Variants in IFT172 observed in about 807,000 individuals in gnomAD.
The protein encoded by IFT172 is intraflagellar transport protein 172 homolog.
Under a neutral mutation model 248.9 loss-of-function variants are expected in IFT172, and 164 were observed. The observed-to-expected ratio is 0.66, with a 90% CI of 0.58 to 0.75. IFT172 has a LOEUF of 0.75. IFT172 is among the 30% of genes least tolerant of loss of function. The probability of loss-of-function intolerance (pLI) is 0.00; values close to 1 mark genes in which losing one functional copy is unlikely to be tolerated. For synonymous variants in IFT172, 729 were observed against 791.6 expected, an observed-to-expected ratio of 0.92 and a Z score of 1.33; for missense variants, 1,950 against 2,192.4, an observed-to-expected ratio of 0.89 and a Z score of 2.21.
At position 27,445,126 on chromosome 2, in the gene IFT172, A is replaced by G; in HGVS notation, c.5069-21T>C. On this transcript the variant is annotated intron_variant, in intron 46 of 47. Transcript: ENST00000260570. The surrounding 1 kb of genome is among the most constrained non-coding windows in gnomAD (Gnocchi z 4.4). ...GTATCCTGTGGAGGAAGAAAAAATG[A>G]TGAACTGGGGTTTGAGAGAGATTGA... is the stretch of plus-strand genomic sequence containing the variant. 6.2e-7 allele frequency: 1 copy of G among 1,613,612 alleles called. No homozygotes were observed. The highest frequency in any genetic ancestry group is 1.7e-5 in the Admixed American group (1 of 59,948).
chr2:27,445,182 T>G lies in IFT172; in HGVS notation c.5069-77A>C. The G allele has an allele frequency of 3.1e-6, 5 of 1,596,662 alleles. No homozygotes were observed. Among genetic ancestry groups the G allele is most frequent in the Non-Finnish European group, 4.3e-6 (5 of 1,169,838 alleles). The stretch of plus-strand genomic sequence containing the variant: ...GAAAAATGAGGAGCAGCCTGGGGGG[T>G]AGAAAGCACAGTCCTGTCTTTTGTA... On this transcript the variant is annotated intron_variant, in intron 46 of 47. Transcript: ENST00000260570. The surrounding 1 kb of genome is among the most constrained non-coding windows in gnomAD (Gnocchi z 4.4).
rs1668327086 is a variant in IFT172 at position 27,481,134 on chromosome 2, C to A, written c.697G>T (p.Asp233Tyr). Residue 233 changes from aspartate to tyrosine, a missense_variant, in exon 8 of 48, where the codon GAT (aspartate) becomes TAT (tyrosine). Transcript: ENST00000260570. ...CGCTCCTGAGGGTCACGGCTATAAT[C>A]AAAAGTTTGTAGCATGTGACCTTCT... Reference protein sequence around the residue: ...GKEGHMLQTFDYSRDPQEREF... With the variant: ...GKEGHMLQTFYYSRDPQEREF... 2 of 1,613,964 alleles carry A rather than the reference C, an allele frequency of 1.2e-6. No individual in the cohort carries two copies. The highest frequency in any genetic ancestry group is 1.7e-6 in the Non-Finnish European group (2 of 1,180,016).
rs1247008409 is a variant in IFT172 at position 27,456,594 on chromosome 2, C to T, written c.3288G>A (p.Lys1096=). 3.1e-6 allele frequency: 5 copies of T among 1,614,212 alleles called. No homozygotes were observed. Among genetic ancestry groups the T allele is most frequent in the Non-Finnish European group, 3.4e-6 (4 of 1,180,036 alleles). Residue 1096 remains lysine (K), a synonymous_variant, in exon 30 of 48, where the codon AAG becomes AAA. Transcript: ENST00000260570. ...AHKHVAYLWA[K]SLGGEAAVRL... ...TAACTGCAGCCTCTCCTCCCAGGCT[C>T]TTTGCCCACAGATAGGCCACGTGTT... is the stretch of plus-strand genomic sequence containing the variant.
Position 27,489,737 on chromosome 2 carries a change from A to AGGCACTGACGCTTATGCGACC in IFT172, c.-85_-84insGGTCGCATAAGCGTCAGTGCC. On this transcript the variant is annotated 5_prime_UTR_variant, in exon 1 of 48. Transcript: ENST00000260570. The stretch of plus-strand genomic sequence containing the variant: ...CAACCCGCCACGCAGCCGCAGCGAC[A>AGGCACTGACGCTTATGCGACC]GGCACTGACGCTTATGCGACCGGAG... The AGGCACTGACGCTTATGCGACC allele has an allele frequency of 9.3e-7, 1 of 1,074,100 alleles. No individual in the cohort carries two copies. Among genetic ancestry groups the AGGCACTGACGCTTATGCGACC allele is most frequent in the Non-Finnish European group, 1.4e-6 (1 of 707,424 alleles). The allele number at this position is 1,074,100 out of a possible 1,614,324, so 66.5% of individuals were successfully genotyped here.
intron 14 of IFT172, among the ~76,000 whole-genome samples, chr2:27,475,874 C>T (rs1273396113): frequency 1.2e-4 from 18 of 151,676 alleles, no homozygotes; most frequent in Admixed American, 3.9e-4. Context: ...TCAAGCAATC[C>T]GCCCGCCTCA....
At chr2:27,458,929 G>A in intron 25 of IFT172, 61 bp from the exon 26 acceptor site, 2 of 1,578,776 alleles carry the variant, frequency 1.3e-6, no homozygotes, top group Non-Finnish European at 1.7e-6. Flanking sequence ...CAGCTTGAAT[G>A]AGGAAAGAAC....
chr2:27,462,633 T>C lies in IFT172; in HGVS notation c.2115+68A>G, dbSNP rs542178199. On this transcript the variant is annotated intron_variant, in intron 20 of 47. Coordinates refer to ENST00000260570, the MANE Select transcript of IFT172 (RefSeq NM_015662.3). ...CACCAGCACGCTTTCCTCCCTTGAG[T>C]TTGTACCCCCTTTTCTCTCTTTTTC... The C allele has an allele frequency of 3.7e-4, 522 of 1,413,154 alleles. 1 individual carries two copies. The highest frequency in any genetic ancestry group is 1.8e-4 in the East Asian group (8 of 43,718). The allele number at this position is 1,413,154 out of a possible 1,614,324, so 87.5% of individuals were successfully genotyped here.
At chr2:27,469,050 A>C (rs1459182980) in intron 16 of IFT172, among the ~76,000 whole-genome samples, 1 of 152,172 alleles carries the variant, frequency 6.6e-6, no homozygotes, top group Non-Finnish European at 1.5e-5. Context: ...CTAGATAAAA[A>C]CATGTTCAGA....
intron 16 of IFT172, among the ~76,000 whole-genome samples, chr2:27,468,903 T>G (rs1046937329): frequency 1.7e-4 from 26 of 149,332 alleles, no homozygotes; most frequent in Admixed American, 1.2e-3. Flanking sequence ...ACAGATCACC[T>G]GTACAGAAAT....
In IFT172 at chr2:27,454,572, C is replaced by T. The variant is rs1465461618; in HGVS notation, c.3460G>A (p.Asp1154Asn). ...GGTCCAAATCACACCCATACCTCAT[C>T]CTCCAGGAACATAGCATATTTGAGA... ...VHLKYAMFLE[D>N]EGKFEEAEAE... The change falls in exon 31 of 48, where the codon GAT (aspartate) becomes AAT (asparagine). Residue 1154 changes from aspartate (D) to asparagine (N), a missense_variant. Transcript: ENST00000260570. The surrounding 1 kb of genome is among the most constrained non-coding windows in gnomAD (Gnocchi z 4.2). The T allele has an allele frequency of 6.2e-7, 1 of 1,614,054 alleles. No homozygotes were observed. The highest frequency in any genetic ancestry group is 1.1e-5 in the South Asian group (1 of 91,076).
At chr2:27,461,545 G>A (rs193294867) in intron 21 of IFT172, 28 bp from the exon 22 acceptor site, 11 of 1,609,540 alleles carry the variant, frequency 6.8e-6, no homozygotes, top group Middle Eastern at 3.3e-4. Context: ...ACAACTAGGA[G>A]TCACATCCCC....
In IFT172 at chr2:27,454,495, C is replaced by G; in HGVS notation, c.3465+72G>C. Reference sequence around the variant, plus strand: ...AGGCAGGCATGAGACTGGGGGTCTGCACACCCAGCAGCAGTGCACTAGGGG... The same window carrying G: ...AGGCAGGCATGAGACTGGGGGTCTGGACACCCAGCAGCAGTGCACTAGGGG... On this transcript the variant is annotated intron_variant, in intron 31 of 47. Coordinates refer to ENST00000260570, the MANE Select transcript of IFT172 (RefSeq NM_015662.3). This position sits in a 1 kb window ranked among gnomAD's most constrained non-coding sequence, Gnocchi z 4.2. 1 of 1,607,472 alleles carries G rather than the reference C, an allele frequency of 6.2e-7. No individual in the cohort carries two copies.
intron 25 of IFT172, 67 bp downstream of exon 25, chr2:27,459,311 C>A: frequency 6.4e-7 from 1 of 1,570,392 alleles, no homozygotes; most frequent in South Asian, 1.2e-5. Context: ...CCACTTCCTG[C>A]TTTGGGTTCT....
chr2:27,453,537 C>T, intron 34 of IFT172, 24 bp from the exon 35 acceptor site: 4 of 1,612,496 alleles, frequency 2.5e-6, no homozygotes, highest in Non-Finnish European at 3.4e-6. Flanking sequence ...AGCGCTGGGA[C>T]TTGGCATGGT....
At chr2:27,448,611 C>T (rs1665383113) in intron 40 of IFT172, among the ~76,000 whole-genome samples, 1 of 152,066 alleles carries the variant, frequency 6.6e-6, no homozygotes, top group African/African-American at 2.4e-5. Context: ...TCAATAAAGG[C>T]CCTAGAGGTG....
Position 27,446,309 on chromosome 2 carries a change from T to C in IFT172, c.4706A>G (p.Gln1569Arg), listed in dbSNP as rs1334160300. The C allele has an allele frequency of 6.2e-7, 1 of 1,614,128 alleles. No homozygotes were observed. Among genetic ancestry groups the C allele is most frequent in the Non-Finnish European group, 8.5e-7 (1 of 1,180,048 alleles). The change falls in exon 43 of 48, where the codon CAG becomes CGG. Residue 1569 changes from glutamine (Q) to arginine (R), a missense_variant. Transcript: ENST00000260570. Reference protein sequence around the residue: ...RLSVSLLRHTQLLPVDKAFYE... With the variant: ...RLSVSLLRHTRLLPVDKAFYE... The stretch of plus-strand genomic sequence containing the variant: ...GAAGGCTTTGTCTACAGGTAGTAGC[T>C]GGGTGTGACGCAAGAGTGAAACAGA...
intron 3 of IFT172, among the ~76,000 whole-genome samples, chr2:27,484,746 G>A (rs1000435284): frequency 1.3e-5 from 2 of 152,200 alleles, no homozygotes; most frequent in Non-Finnish European, 2.9e-5. Flanking sequence ...AGCCTAAGCA[G>A]CTTCAGAACA....
Position 27,456,594 on chromosome 2 carries a change from CTT to C in IFT172, c.3286_3287del (p.Lys1096GlufsTer9). 6.2e-7 allele frequency: 1 copy of C among 1,614,212 alleles called. No individual in the cohort carries two copies. Among genetic ancestry groups the C allele is most frequent in the Non-Finnish European group, 8.5e-7 (1 of 1,180,036 alleles). ...TAACTGCAGCCTCTCCTCCCAGGCT[CTT>C]TGCCCACAGATAGGCCACGTGTTTG... ...AHKHVAYLWA[K>X]SLGGEAAVRL... On this transcript the variant is annotated frameshift_variant, in exon 30 of 48. Coordinates refer to ENST00000260570, the MANE Select transcript of IFT172 (RefSeq NM_015662.3). LOFTEE classifies it high-confidence loss of function.
rs763117647 is a variant in IFT172, at chr2:27,457,707, C to T, written c.3160G>A (p.Glu1054Lys). The change falls in exon 29 of 48, where the codon GAG (glutamate) becomes AAG (lysine). Residue 1054 changes from glutamate (E) to lysine (K), a missense_variant. Coordinates refer to ENST00000260570, the MANE Select transcript of IFT172 (RefSeq NM_015662.3). ...RLQEAEYHYL[E>K]AQEWKATVNM... ...ACTGTTGCCTTCCATTCCTGGGCCT[C>T]GAGGTAGTGGTACTCAGCCTCCTGT... is the stretch of plus-strand genomic sequence containing the variant. 1.1e-5 allele frequency: 18 copies of T among 1,613,946 alleles called. No individual in the cohort carries two copies. The highest frequency in any genetic ancestry group is 3.3e-5 in the Admixed American group (2 of 59,986).
Sources: gnomAD v4.1 joint callset for allele counts (sites outside exome capture counted in the v4.1 genomes callset) on GRCh38, gnomAD v4.1.1 for gene constraint, Gnocchi (gnomAD v3.1) non-coding constraint, MANE v1.5 for transcripts, NCBI Gene and HGNC (gene_info 2026-07-23, HGNC 2026-07-21) for gene names.